Variants in NCAM2 observed in about 807,000 individuals in gnomAD.
The protein encoded by NCAM2 is neural cell adhesion molecule 2.
In NCAM2, 30 loss-of-function variants were observed where a neutral mutation model predicts 98.1. That is an observed-to-expected ratio of 0.31 (90% confidence interval 0.23 to 0.41). The LOEUF (loss-of-function observed/expected upper bound fraction) is 0.41, where lower values mean the gene tolerates loss of function less well. NCAM2 is among the 10% of genes least tolerant of loss of function. NCAM2 has a pLI of 1.00. For missense variants in NCAM2, 867 were observed against 1,005.8 expected, an observed-to-expected ratio of 0.86 and a Z score of 1.87; for synonymous variants, 368 against 342.4, an observed-to-expected ratio of 1.07 and a Z score of -0.83.
chr21:21,204,726 A>G (rs2069369462), intron 1 of NCAM2, among the ~76,000 whole-genome samples: 10 of 152,128 alleles, frequency 6.6e-5, no homozygotes, highest in Admixed American at 6.6e-4. Flanking sequence ...TCTCTATTAT[A>G]TAGAAAAATA....
At chr21:21,458,096 C>T (rs933427309) in intron 12 of NCAM2, among the ~76,000 whole-genome samples, 3 of 152,204 alleles carry the variant, frequency 2.0e-5, no homozygotes, top group African/African-American at 7.2e-5. Context: ...CAGGAAGTTT[C>T]AAAGGAAGGT....
At chr21:21,086,400 C>A (rs568731252) in intron 1 of NCAM2, among the ~76,000 whole-genome samples, 1 of 152,310 alleles carries the variant, frequency 6.6e-6, no homozygotes, top group South Asian at 2.1e-4. Flanking sequence ...TAACCCTTTA[C>A]ACATTTTACG....
chr21:21,238,880 C>T (rs1299891533), intron 1 of NCAM2, among the ~76,000 whole-genome samples: 1 of 152,112 alleles, frequency 6.6e-6, no homozygotes, highest in Admixed American at 6.6e-5. Context: ...CTGATGAAGG[C>T]TTCAATCACA....
chr21:21,149,806 G>A (rs1293027139), intron 1 of NCAM2, among the ~76,000 whole-genome samples: 1 of 151,976 alleles, frequency 6.6e-6, no homozygotes, highest in African/African-American at 2.4e-5. Context: ...TCTTTATCCT[G>A]TCTATCATTG....
chr21:21,447,550 G>A (rs1980369639), intron 12 of NCAM2, among the ~76,000 whole-genome samples: 1 of 151,740 alleles, frequency 6.6e-6, no homozygotes, highest in African/African-American at 2.4e-5. Context: ...TTGACAAATG[G>A]GATTTAACTA....
chr21:21,081,867 AAAC>A (rs1390673150), intron 1 of NCAM2, among the ~76,000 whole-genome samples: 2 of 69,624 alleles, frequency 2.9e-5, no homozygotes, highest in Non-Finnish European at 5.3e-5. Flanking sequence ...GCTAAAAAAC[AAAC>A]AAACACTTTA....
chr21:21,290,945 C>A (rs1376695429), intron 4 of NCAM2, among the ~76,000 whole-genome samples: 2 of 151,778 alleles, frequency 1.3e-5, no homozygotes, highest in African/African-American at 2.4e-5. Context: ...CACGATCAGG[C>A]TGATGGAGAC....
chr21:21,457,488 A>C (rs1394879056), intron 12 of NCAM2, among the ~76,000 whole-genome samples: 1 of 152,086 alleles, frequency 6.6e-6, no homozygotes, highest in Non-Finnish European at 1.5e-5. Context: ...AAAAATATAA[A>C]AATTAGCTGG....
intron 5 of NCAM2, among the ~76,000 whole-genome samples, chr21:21,312,615 G>A (rs1439249681): frequency 7.3e-6 from 1 of 137,772 alleles, no homozygotes; most frequent in African/African-American, 2.7e-5. Flanking sequence ...TTTACAGCTA[G>A]ATTTTTTTTC....
At chr21:21,422,135 G>A (rs1005109996) in intron 11 of NCAM2, among the ~76,000 whole-genome samples, 22 of 152,144 alleles carry the variant, frequency 1.4e-4, no homozygotes, top group Non-Finnish European at 2.8e-4. Context: ...TAAAAAGAGT[G>A]CCCACTTGCC....
chr21:21,156,319 C>T (rs374706072), intron 1 of NCAM2, among the ~76,000 whole-genome samples: 1 of 151,976 alleles, frequency 6.6e-6, no homozygotes, highest in African/African-American at 2.4e-5. Context: ...ATTTTGGACA[C>T]ATTCAAACAC....
intron 1 of NCAM2, among the ~76,000 whole-genome samples, chr21:21,113,300 T>A (rs991282949): frequency 1.3e-5 from 2 of 152,190 alleles, no homozygotes; most frequent in African/African-American, 4.8e-5. Flanking sequence ...GTTTTAGTAA[T>A]CATTTTATTC....
chr21:21,370,363 T>A (rs1238001667), intron 8 of NCAM2, among the ~76,000 whole-genome samples: 2 of 151,920 alleles, frequency 1.3e-5, no homozygotes, highest in African/African-American at 4.8e-5. Context: ...CAAAAATAAA[T>A]GTTTTGTGTC....
chr21:21,514,637 G>A (rs1234839316), intron 16 of NCAM2, among the ~76,000 whole-genome samples: 5 of 151,588 alleles, frequency 3.3e-5, no homozygotes, highest in Admixed American at 1.3e-4. Context: ...TTATCATTTC[G>A]CATTTTACCT....
In NCAM2 at chr21:21,508,808, C is replaced by CTTTTTTTTTTTTTTTTTT. The variant is rs764097299; in HGVS notation, c.2078-28_2078-11dup. Reference sequence around the variant, plus strand: ...ATTTAGAGGTTTAATACTTTTTTTCCTTTTTTTTTTTTTTTTTTTTTTTTT... The same window carrying CTTTTTTTTTTTTTTTTTT: ...ATTTAGAGGTTTAATACTTTTTTTCCTTTTTTTTTTTTTTTTTTTTTTTTTTTTTTTTTTTTTTTTTTT... On this transcript the variant is annotated intron_variant, in intron 15 of 17. Coordinates refer to ENST00000400546, the MANE Select transcript of NCAM2 (RefSeq NM_004540.5). 11 of 413,286 alleles carry CTTTTTTTTTTTTTTTTTT rather than the reference C, an allele frequency of 2.7e-5. 1 individual carries two copies. Among genetic ancestry groups the CTTTTTTTTTTTTTTTTTT allele is most frequent in the African/African-American group, 2.4e-4 (7 of 29,380 alleles). The allele number at this position is 413,286 out of a possible 1,614,324, so 25.6% of individuals were successfully genotyped here.
intron 1 of NCAM2, among the ~76,000 whole-genome samples, chr21:21,112,780 A>G (rs1315308275): frequency 6.6e-6 from 1 of 152,208 alleles, no homozygotes; most frequent in African/African-American, 2.4e-5. Context: ...ATTAGTCAGC[A>G]AGATGAAACA....
chr21:21,410,531 A>C, intron 10 of NCAM2, 70 bp downstream of exon 10: 1 of 845,192 alleles, frequency 1.2e-6, no homozygotes, highest in Non-Finnish European at 1.7e-6. Flanking sequence ...GAATATATTT[A>C]AATATCTTCA....
intron 10 of NCAM2, among the ~76,000 whole-genome samples, chr21:21,411,592 A>G (rs1159252493): frequency 6.6e-6 from 1 of 152,150 alleles, no homozygotes; most frequent in Non-Finnish European, 1.5e-5. Context: ...TATGAAAATG[A>G]TCATCACCCT....
At chr21:21,072,655 TG>T (rs1316459786) in intron 1 of NCAM2, among the ~76,000 whole-genome samples, 1 of 152,184 alleles carries the variant, frequency 6.6e-6, no homozygotes, top group African/African-American at 2.4e-5. Context: ...AAATTCTGCT[TG>T]TATTACTAAA....
Sources: allele counts gnomAD v4.1 joint callset (sites outside exome capture counted in the v4.1 genomes callset), GRCh38; gene constraint gnomAD v4.1.1; transcripts MANE v1.5; gene names NCBI Gene and HGNC (gene_info 2026-07-23, HGNC 2026-07-21).